Variants in SLC24A4 observed in about 807,000 individuals in gnomAD.
SLC24A4 encodes the protein solute carrier family 24 member 4.
SLC24A4 carries 53 observed loss-of-function variants against 79.0 expected under a neutral mutation model. That is an observed-to-expected ratio of 0.67 (90% CI 0.54 to 0.84). SLC24A4 has a LOEUF of 0.84. SLC24A4 is among the 40% of genes least tolerant of loss of function. The probability of loss-of-function intolerance (pLI) is 0.00; values close to 1 mark genes in which losing one functional copy is unlikely to be tolerated. For synonymous variants in SLC24A4, 323 were observed against 323.8 expected (o/e 1.00, Z 0.03); for missense variants, 731 against 822.0 (o/e 0.89, Z 1.35).
intron 2 of SLC24A4, among the ~76,000 whole-genome samples, chr14:92,362,530 T>G (rs1362260443): frequency 1.3e-5 from 2 of 152,188 alleles, no homozygotes; most frequent in Non-Finnish European, 2.9e-5. Flanking sequence ...TGAGCTAATA[T>G]GTCTGCTTGG....
intron 2 of SLC24A4, among the ~76,000 whole-genome samples, chr14:92,357,185 G>A (rs1031255270): frequency 1.3e-5 from 2 of 152,218 alleles, no homozygotes; most frequent in East Asian, 1.9e-4. Flanking sequence ...ATTAGGATTA[G>A]GGTCATCTGT....
rs899646141 is a variant in SLC24A4 at position 92,341,114 on chromosome 14, G to A, written c.241+15136G>A. 3.3e-5 allele frequency among the ~76,000 whole-genome samples: 5 copies of A among 152,158 alleles called. No individual in the cohort carries two copies. The East Asian group carries it at 5.8e-4, about 18-fold the overall frequency. Reference sequence around the variant, plus strand: ...ATGCATCACACCACACAAGCAGCAGGCAAAGTGGCAGCGGCCCTGCCTTCT... The same window carrying A: ...ATGCATCACACCACACAAGCAGCAGACAAAGTGGCAGCGGCCCTGCCTTCT... On this transcript the variant is annotated intron_variant, in intron 2 of 16. Coordinates refer to ENST00000532405, the MANE Select transcript of SLC24A4 (RefSeq NM_153646.4).
At chr14:92,478,647 T>TGG (rs71123349) in intron 12 of SLC24A4, among the ~76,000 whole-genome samples, 25 of 144,058 alleles carry the variant, frequency 1.7e-4, no homozygotes, top group South Asian at 1.1e-3. Context: ...TTCCCAGCTT[T>TGG]GTTTTGTTTT....
intron 2 of SLC24A4, among the ~76,000 whole-genome samples, chr14:92,422,920 C>T (rs986467541): frequency 6.6e-6 from 1 of 151,980 alleles, no homozygotes; most frequent in Non-Finnish European, 1.5e-5. Context: ...CTCAAGTGAT[C>T]CTCCCACCTC....
chr14:92,348,862 T>C lies in SLC24A4; in HGVS notation c.241+22884T>C, dbSNP rs561109420. The stretch of plus-strand genomic sequence containing the variant: ...AGGGGTAGAGCCAGGCTCTCATACA[T>C]GTTGGAGCATTGATTACTCAGAATG... On this transcript the variant is annotated intron_variant, in intron 2 of 16. Coordinates refer to ENST00000532405, the MANE Select transcript of SLC24A4 (RefSeq NM_153646.4). Among the ~76,000 whole-genome samples the C allele has an allele frequency of 3.9e-5, 6 of 152,318 alleles. No individual in the cohort carries two copies. In the East Asian group the frequency reaches 5.8e-4, roughly 15 times the overall value.
intron 2 of SLC24A4, among the ~76,000 whole-genome samples, chr14:92,391,577 A>C (rs1452890226): frequency 6.6e-6 from 1 of 152,158 alleles, no homozygotes; most frequent in Non-Finnish European, 1.5e-5. Context: ...TGCTTGGAAA[A>C]CATAGTATGT....
chr14:92,433,074 C>T (rs886210667), intron 2 of SLC24A4, among the ~76,000 whole-genome samples: 1 of 152,184 alleles, frequency 6.6e-6, no homozygotes, highest in African/African-American at 2.4e-5. Context: ...GGCCTAGGTA[C>T]TGAGGATGCA....
intron 3 of SLC24A4, among the ~76,000 whole-genome samples, chr14:92,437,739 C>T (rs10136507): frequency 6.6e-6 from 1 of 152,102 alleles, no homozygotes; most frequent in African/African-American, 2.4e-5. Context: ...ATGGGCAGTT[C>T]GTCACTTTAG....
intron 2 of SLC24A4, among the ~76,000 whole-genome samples, chr14:92,333,679 G>T (rs1405561339): frequency 6.6e-6 from 1 of 152,216 alleles, no homozygotes; most frequent in Non-Finnish European, 1.5e-5. Flanking sequence ...TGCAGAGAAA[G>T]GTGCTTCGTA....
chr14:92,343,321 A>G (rs1265070783), intron 2 of SLC24A4, among the ~76,000 whole-genome samples: 1 of 152,246 alleles, frequency 6.6e-6, no homozygotes, highest in East Asian at 1.9e-4. Context: ...TGTGTTGTAA[A>G]ATTATAGTAC....
chr14:92,390,210 C>T (rs140314558), intron 2 of SLC24A4, among the ~76,000 whole-genome samples: 1,550 of 152,108 alleles, frequency 0.01, 23 homozygotes, highest in African/African-American at 0.036. Flanking sequence ...GGTGTCTCCC[C>T]GCCAGGGCTG....
Position 92,409,187 on chromosome 14 carries a change from C to T in SLC24A4, c.242-24725C>T, listed in dbSNP as rs188839184. On this transcript the variant is annotated intron_variant, in intron 2 of 16. Transcript: ENST00000532405. ...AGTCATTCCAGTTGCTCTGGGTCTC[C>T]GAGGCCAGGAAGGGGTCCAGGAAGT... Among the ~76,000 whole-genome samples the T allele has an allele frequency of 1.4e-4, 21 of 152,244 alleles. No individual in the cohort carries two copies. In the East Asian group the frequency reaches 1.5e-3, roughly 11 times the overall value.
chr14:92,391,826 GC>G (rs1397588085), intron 2 of SLC24A4, among the ~76,000 whole-genome samples: 1 of 152,234 alleles, frequency 6.6e-6, no homozygotes, highest in Non-Finnish European at 1.5e-5. Context: ...CTGCTCTGCA[GC>G]CCCAGCTGGG....
intron 12 of SLC24A4, among the ~76,000 whole-genome samples, chr14:92,472,047 C>G (rs11160070): frequency 1.3e-5 from 2 of 151,952 alleles, no homozygotes; most frequent in African/African-American, 2.4e-5. Context: ...CTTCAGTTCT[C>G]ATAGATAGCA....
At chr14:92,436,074 TAAAG>T (rs1294241393) in intron 3 of SLC24A4, among the ~76,000 whole-genome samples, 1 of 152,062 alleles carries the variant, frequency 6.6e-6, no homozygotes, top group Non-Finnish European at 1.5e-5. Flanking sequence ...TTTTTTTAAA[TAAAG>T]AAAAGAGGTT....
intron 12 of SLC24A4, among the ~76,000 whole-genome samples, chr14:92,469,928 C>T (rs375131815): frequency 2.0e-5 from 3 of 152,120 alleles, no homozygotes; most frequent in African/African-American, 7.2e-5. Flanking sequence ...TGGGAATGAC[C>T]GCTAATGGCT....
chr14:92,430,362 C>T (rs1001267731), intron 2 of SLC24A4, among the ~76,000 whole-genome samples: 5 of 152,196 alleles, frequency 3.3e-5, no homozygotes, highest in African/African-American at 7.2e-5. Context: ...GAACGGGCAG[C>T]ACTAATTCAG....
At position 92,426,514 on chromosome 14, in the gene SLC24A4, T is replaced by C. The variant is rs184751107; in HGVS notation, c.242-7398T>C. 2.1e-3 allele frequency among the ~76,000 whole-genome samples: 315 copies of C among 152,358 alleles called. 1 individual carries two copies. Among genetic ancestry groups the C allele is most frequent in the African/African-American group, 7.4e-3 (306 of 41,584 alleles). On this transcript the variant is annotated intron_variant, in intron 2 of 16. Coordinates refer to ENST00000532405, the MANE Select transcript of SLC24A4 (RefSeq NM_153646.4). ...ATAGTGGTTGCTCCTGGAAAGAACA[T>C]TCCTGTTGCTGAGTCTTCCAGGCAT...
chr14:92,487,965 T>TTCCTCCTCCTGCTCCTCCTCCTCC (rs373712991), intron 14 of SLC24A4, among the ~76,000 whole-genome samples: 1 of 151,748 alleles, frequency 6.6e-6, no homozygotes, highest in Admixed American at 6.6e-5. Flanking sequence ...CTGTGTCGAC[T>TTCCTCCTCCTGCTCCTCCTCCTCC]TCCTCCTCCT....
Sources: gnomAD v4.1 joint callset for allele counts (sites outside exome capture counted in the v4.1 genomes callset) on GRCh38, gnomAD v4.1.1 for gene constraint, MANE v1.5 for transcripts, NCBI Gene and HGNC (gene_info 2026-07-23, HGNC 2026-07-21) for gene names.